Variants in QTMAN observed in about 807,000 individuals in gnomAD.
QTMAN encodes tRNA-queuosine alpha-mannosyltransferase.
the QTMAN span, among the ~76,000 whole-genome samples, chr2:144,227,581 T>C: frequency 4.6e-5 from 7 of 152,164 alleles, no homozygotes; most frequent in African/African-American, 1.7e-4. Flanking sequence ...ATGTAGGCAC[T>C]GTGCTAAGCG....
the QTMAN span, among the ~76,000 whole-genome samples, chr2:144,193,722 T>C: frequency 6.6e-6 from 1 of 152,056 alleles, no homozygotes; most frequent in African/African-American, 2.4e-5. Flanking sequence ...CAACAGAGTC[T>C]TGCTATGTTG....
chr2:144,099,763 C>T, the QTMAN span, among the ~76,000 whole-genome samples: 1 of 152,196 alleles, frequency 6.6e-6, no homozygotes, highest in African/African-American at 2.4e-5. Flanking sequence ...GTGACCACAT[C>T]TTTTAAGCTG....
the QTMAN span, among the ~76,000 whole-genome samples, chr2:144,219,595 C>T: frequency 2.6e-5 from 4 of 152,034 alleles, no homozygotes; most frequent in South Asian, 2.1e-4. Context: ...CCAAGGTAGG[C>T]GGATTGCTTG....
chr2:144,204,110 CA>C, the QTMAN span, among the ~76,000 whole-genome samples: 4 of 152,156 alleles, frequency 2.6e-5, no homozygotes, highest in South Asian at 8.3e-4. Flanking sequence ...TCTAAAACAC[CA>C]AAAGCAATGG....
the QTMAN span, among the ~76,000 whole-genome samples, chr2:144,051,760 G>C: frequency 6.6e-6 from 1 of 152,136 alleles, no homozygotes; most frequent in African/African-American, 2.4e-5. Flanking sequence ...GCAGATTTGG[G>C]AGAGCAGGAA....
chr2:144,076,093 A>C, the QTMAN span, among the ~76,000 whole-genome samples: 2 of 152,110 alleles, frequency 1.3e-5, no homozygotes, highest in African/African-American at 4.8e-5. Flanking sequence ...CTAAAAATAC[A>C]AAAATTAGCT....
At chr2:144,199,907 C>A in the QTMAN span, among the ~76,000 whole-genome samples, 1 of 151,988 alleles carries the variant, frequency 6.6e-6, no homozygotes, top group Non-Finnish European at 1.5e-5. Context: ...TTTTTTCAGG[C>A]CAAATAATTA....
At chr2:143,945,396 G>A in the QTMAN span, 1 of 152,244 alleles carries the variant, frequency 6.6e-6, no homozygotes, top group Non-Finnish European at 1.5e-5. Flanking sequence ...GTCTCATGAA[G>A]GTTGGAGAGA....
chr2:144,245,489 T>TA, the QTMAN span, among the ~76,000 whole-genome samples: 1 of 152,170 alleles, frequency 6.6e-6, no homozygotes, highest in African/African-American at 2.4e-5. Flanking sequence ...AAGACTCTGG[T>TA]AAAATCAAAG....
the QTMAN span, among the ~76,000 whole-genome samples, chr2:144,321,786 T>G: frequency 1.3e-5 from 2 of 152,064 alleles, no homozygotes; most frequent in Non-Finnish European, 2.9e-5. Context: ...TTTTAAATTT[T>G]TTGTAGAGAT....
the QTMAN span, among the ~76,000 whole-genome samples, chr2:144,147,262 T>C: frequency 2.0e-5 from 3 of 149,120 alleles, no homozygotes; most frequent in Non-Finnish European, 4.4e-5. Flanking sequence ...CTCTTTAAGG[T>C]TAAAAAAAAA....
At chr2:144,180,253 T>A in the QTMAN span, among the ~76,000 whole-genome samples, 1 of 152,168 alleles carries the variant, frequency 6.6e-6, no homozygotes, top group Non-Finnish European at 1.5e-5. Context: ...AGTTAAAAGA[T>A]ACGCAATTTG....
chr2:144,130,495 T>A, the QTMAN span, among the ~76,000 whole-genome samples: 1 of 151,974 alleles, frequency 6.6e-6, no homozygotes, highest in Non-Finnish European at 1.5e-5. Context: ...TGAGCTGGAT[T>A]ACAATTTGTG....
At chr2:144,059,424 A>G in the QTMAN span, among the ~76,000 whole-genome samples, 3 of 152,202 alleles carry the variant, frequency 2.0e-5, no homozygotes, top group African/African-American at 7.2e-5. Flanking sequence ...CATCCTTATA[A>G]CAGAGCATTT....
At chr2:144,056,095 G>A in the QTMAN span, among the ~76,000 whole-genome samples, 2,416 of 152,262 alleles carry the variant, frequency 0.016, 38 homozygotes, top group Middle Eastern at 0.044. Context: ...AGTGAGCTAT[G>A]CTATATTTTA....
chr2:144,297,334 T>C, the QTMAN span, among the ~76,000 whole-genome samples: 3 of 152,140 alleles, frequency 2.0e-5, no homozygotes, highest in Non-Finnish European at 4.4e-5. Context: ...ACAATGGATT[T>C]CACGCAAAAA....
the QTMAN span, among the ~76,000 whole-genome samples, chr2:144,209,498 G>A: frequency 5.9e-5 from 9 of 152,302 alleles, no homozygotes; most frequent in South Asian, 2.1e-4. Context: ...AAACAATGTG[G>A]TAAAGTTGTA....
At chr2:144,161,759 C>T in the QTMAN span, among the ~76,000 whole-genome samples, 1 of 152,092 alleles carries the variant, frequency 6.6e-6, no homozygotes, top group South Asian at 2.1e-4. Context: ...TACCTGTGTA[C>T]AAATATGAAG....
the QTMAN span, among the ~76,000 whole-genome samples, chr2:144,131,689 T>C: frequency 6.6e-6 from 1 of 151,936 alleles, no homozygotes. Context: ...TATTCTGTCT[T>C]CATAATGTGC....
Sources: allele counts gnomAD v4.1 joint callset (sites outside exome capture counted in the v4.1 genomes callset), GRCh38; gene constraint gnomAD v4.1.1; transcripts MANE v1.5; gene names NCBI Gene and HGNC (gene_info 2026-07-23, HGNC 2026-07-21).